Variants in MYB observed in about 807,000 individuals in gnomAD.
MYB encodes MYB proto-oncogene, transcription factor.
In MYB, 28 loss-of-function variants were observed where a neutral mutation model predicts 92.9. The ratio of observed to expected loss-of-function variants is 0.30; its 90% CI spans 0.22 to 0.41. The LOEUF (loss-of-function observed/expected upper bound fraction) is 0.41, where lower values mean the gene tolerates loss of function less well. Among genes scored for constraint, MYB ranks in the 10% least tolerant of loss-of-function variants. MYB has a pLI of 1.00. For missense variants in MYB, 679 were observed against 929.3 expected (o/e 0.73, Z 3.50); for synonymous variants, 295 against 329.1 (o/e 0.90, Z 1.12).
chr6:135,208,607 C>T (rs1309970957), intron 15 of MYB, among the ~76,000 whole-genome samples: 1 of 150,934 alleles, frequency 6.6e-6, no homozygotes, highest in East Asian at 2.0e-4. Flanking sequence ...CCTCAAACTC[C>T]TGGGCTCAAG....
At chr6:135,185,698 T>C (rs1775820317) in intron 1 of MYB, among the ~76,000 whole-genome samples, 1 of 152,226 alleles carries the variant, frequency 6.6e-6, no homozygotes, top group Non-Finnish European at 1.5e-5. Flanking sequence ...TCCTTGGCCG[T>C]GTCTGTGGAT....
chr6:135,183,777 T>C (rs1447036159), intron 1 of MYB, among the ~76,000 whole-genome samples: 1 of 152,214 alleles, frequency 6.6e-6, no homozygotes, highest in African/African-American at 2.4e-5. Context: ...CCCCAAGACC[T>C]TAGTTTTGCA....
intron 11 of MYB, 134 bp from the exon 12 acceptor site, chr6:135,199,951 A>C (rs1420483234): frequency 8.8e-6 from 6 of 683,598 alleles, no homozygotes; most frequent in Non-Finnish European, 1.5e-5. Flanking sequence ...TAACGTGATT[A>C]ATCAGCACAC....
intron 14 of MYB, chr6:135,202,982 C>T (rs1253836319): frequency 2.9e-6 from 2 of 698,544 alleles, no homozygotes; most frequent in Non-Finnish European, 5.2e-6. Flanking sequence ...GCCTAGAACT[C>T]TGGGATCCCA....
Position 135,187,914 on chromosome 6 carries a change from G to GTAAGTT in MYB, c.213+11_213+16dup. The GTAAGTT allele has an allele frequency of 3.1e-6, 5 of 1,598,828 alleles. No homozygotes were observed. The East Asian group carries it at 1.1e-4, about 36-fold the overall frequency. On this transcript the variant is annotated intron_variant, in intron 3 of 15. Coordinates refer to ENST00000341911, the MANE Select transcript of MYB (RefSeq NM_001130173.2). ...TTGCCAATTATCTCCCGGTAAGTTA[G>GTAAGTT]TAAGTTTTTCTTATAACGAAAGGAA...
chr6:135,211,968 C>T (rs1779764006), intron 15 of MYB, among the ~76,000 whole-genome samples: 1 of 152,164 alleles, frequency 6.6e-6, no homozygotes, highest in Non-Finnish European at 1.5e-5. Context: ...AAGCTTATCT[C>T]TGACTTTCCA....
Position 135,200,527 on chromosome 6 carries a change from G to T in MYB, c.1950+112G>T, listed in dbSNP as rs769975304. The T allele has an allele frequency of 2.7e-6, 4 of 1,496,346 alleles. No homozygotes were observed. In the South Asian group the frequency reaches 3.4e-5, roughly 13 times the overall value. The allele number at this position is 1,496,346 out of a possible 1,614,324, so 92.7% of individuals were successfully genotyped here. A position where few individuals can be genotyped will look rare whatever the true frequency, so the allele number is the denominator to read the frequency against. ...ACTGTGCAACACCACGACTTTTCGTGCAAGATTTTCATACAAGGTGCAGCG... is the reference window on the plus strand; with the variant it reads ...ACTGTGCAACACCACGACTTTTCGTTCAAGATTTTCATACAAGGTGCAGCG... On this transcript the variant is annotated intron_variant, in intron 13 of 15. Transcript: ENST00000341911.
intron 15 of MYB, among the ~76,000 whole-genome samples, chr6:135,212,224 CTTTTTTTTTTTTTTTTTTTT>C (rs545704827): frequency 3.0e-5 from 1 of 32,882 alleles, no homozygotes; most frequent in Non-Finnish European, 5.3e-5. Flanking sequence ...TTTGGTTTTA[CTTTTTTTTTTTTTTTTTTTT>C]TTTTTTTTTT....
intron 11 of MYB, 89 bp downstream of exon 11, chr6:135,199,139 G>A: frequency 9.2e-7 from 1 of 1,081,864 alleles, no homozygotes; most frequent in Non-Finnish European, 1.3e-6. Context: ...TGATCCACTT[G>A]TATGTGCATA....
chr6:135,205,032 A>C (rs1192491079), intron 15 of MYB, among the ~76,000 whole-genome samples: 1 of 152,024 alleles, frequency 6.6e-6, no homozygotes, highest in Non-Finnish European at 1.5e-5. Context: ...ATGACACTGC[A>C]CTCCAGCCTG....
chr6:135,214,619 A>G (rs1194107892), intron 15 of MYB, among the ~76,000 whole-genome samples: 1 of 152,242 alleles, frequency 6.6e-6, no homozygotes, highest in African/African-American at 2.4e-5. Flanking sequence ...TCCTTGCCAT[A>G]AGCCCTGCAT....
intron 1 of MYB, among the ~76,000 whole-genome samples, chr6:135,185,675 G>T (rs1775816441): frequency 6.6e-6 from 1 of 152,210 alleles, no homozygotes; most frequent in South Asian, 2.1e-4. Flanking sequence ...CAGGGGAATA[G>T]GAAGGTGCCA....
intron 10 of MYB, 55 bp downstream of exon 10, chr6:135,197,378 T>C (rs1777481785): frequency 2.2e-6 from 3 of 1,383,036 alleles, no homozygotes; most frequent in Non-Finnish European, 3.0e-6. Flanking sequence ...ACCTGAGCCT[T>C]AATAATCTAG....
chr6:135,196,602 G>A (rs900880515), intron 9 of MYB: 1 of 558,440 alleles, frequency 1.8e-6, no homozygotes, highest in Non-Finnish European at 2.9e-6. Context: ...CCTCCTCAGC[G>A]AACACTTGGT....
chr6:135,187,738 A>G (rs1392200820), intron 2 of MYB, 96 bp from the exon 3 acceptor site: 2 of 722,164 alleles, frequency 2.8e-6, no homozygotes, highest in Non-Finnish European at 4.6e-6. Context: ...CTTTAGAGAG[A>G]CTTTTTATTC....
At chr6:135,185,780 T>TGAA (rs1377228223) in intron 1 of MYB, 123 bp from the exon 2 acceptor site, 10 of 795,344 alleles carry the variant, frequency 1.3e-5, no homozygotes, top group Middle Eastern at 2.5e-4. Flanking sequence ...TGTGCAAGTT[T>TGAA]TCAAAGTTTT....
intron 3 of MYB, among the ~76,000 whole-genome samples, chr6:135,188,799 C>T (rs916517638): frequency 3.9e-5 from 6 of 152,150 alleles, no homozygotes; most frequent in African/African-American, 1.2e-4. Context: ...CATGAGCCAC[C>T]GTGCCCAGCC....
chr6:135,196,778 A>C (rs1318719719), intron 9 of MYB, 183 bp from the exon 10 acceptor site: 2 of 1,541,736 alleles, frequency 1.3e-6, no homozygotes, highest in Non-Finnish European at 1.7e-6. Flanking sequence ...GCCTTGAGGC[A>C]GCCCACTAGA....
At chr6:135,215,430 C>A (rs1282175237) in intron 15 of MYB, among the ~76,000 whole-genome samples, 1 of 152,154 alleles carries the variant, frequency 6.6e-6, no homozygotes, top group African/African-American at 2.4e-5. Flanking sequence ...GACATTCTTG[C>A]TCCATCATTT....
Sources: gnomAD v4.1 joint callset for allele counts (sites outside exome capture counted in the v4.1 genomes callset) on GRCh38, gnomAD v4.1.1 for gene constraint, MANE v1.5 for transcripts, NCBI Gene and HGNC (gene_info 2026-07-23, HGNC 2026-07-21) for gene names.